The following EPHA3 variants were observed in gnomAD, a reference collection of about 807,000 sequenced individuals.
EPHA3 encodes EPH receptor A3, also known as ephrin type-A receptor 3.
Under a neutral mutation model 107.1 loss-of-function variants are expected in EPHA3, and 42 were observed. The ratio of observed to expected loss-of-function variants is 0.39; its 90% confidence interval spans 0.31 to 0.51. The LOEUF is 0.51. Among genes scored for constraint, EPHA3 ranks in the 20% least tolerant of loss-of-function variants. EPHA3 has a pLI of 0.78. For missense variants in EPHA3, 1,183 were observed against 1,211.2 expected, an observed-to-expected ratio of 0.98 and a Z score of 0.35; for synonymous variants, 461 against 424.8, an observed-to-expected ratio of 1.09 and a Z score of -1.05.
At position 89,450,382 on chromosome 3, in the gene EPHA3, A is replaced by C; in HGVS notation, c.2690+12A>C. ...AGTGCAGCCGCAAGGTGACACATTC[A>C]ATTTGTTATCTGGCATTCACTCTGA... On this transcript the variant is annotated intron_variant, in intron 15 of 16. Transcript: ENST00000336596. The C allele has an allele frequency of 6.2e-7, 1 of 1,601,586 alleles. No individual in the cohort carries two copies. The highest frequency in any genetic ancestry group is 8.5e-7 in the Non-Finnish European group (1 of 1,172,460).
At chr3:89,366,298 T>C (rs1385279436) in intron 5 of EPHA3, among the ~76,000 whole-genome samples, 1 of 150,310 alleles carries the variant, frequency 6.7e-6, no homozygotes, top group African/African-American at 2.4e-5. Context: ...TTGACCAGAA[T>C]TGAATAAAGG....
At chr3:89,230,824 TCACACACA>T (rs61566796) in intron 3 of EPHA3, among the ~76,000 whole-genome samples, 4 of 139,570 alleles carry the variant, frequency 2.9e-5, no homozygotes, top group African/African-American at 8.1e-5. Flanking sequence ...TCTCTCTCTC[TCACACACA>T]CACACACACA....
At chr3:89,188,596 C>G (rs1705627695) in intron 2 of EPHA3, among the ~76,000 whole-genome samples, 1 of 152,142 alleles carries the variant, frequency 6.6e-6, no homozygotes, top group South Asian at 2.1e-4. Flanking sequence ...ATTGACCGTC[C>G]TTATATTATA....
At chr3:89,272,818 T>C (rs1439446386) in intron 3 of EPHA3, among the ~76,000 whole-genome samples, 1 of 151,942 alleles carries the variant, frequency 6.6e-6, no homozygotes, top group Non-Finnish European at 1.5e-5. Context: ...TGAAAGAACT[T>C]ATTTTTTACA....
intron 3 of EPHA3, among the ~76,000 whole-genome samples, chr3:89,301,731 A>C (rs1706494995): frequency 6.6e-6 from 1 of 152,118 alleles, no homozygotes; most frequent in Non-Finnish European, 1.5e-5. Flanking sequence ...CTTTCACAAA[A>C]TTGCATGAAT....
chr3:89,245,826 G>A (rs1344388934), intron 3 of EPHA3, among the ~76,000 whole-genome samples: 6 of 152,202 alleles, frequency 3.9e-5, no homozygotes, highest in Non-Finnish European at 7.3e-5. Flanking sequence ...AGCCTTTAGG[G>A]AAGTGGGTCA....
At chr3:89,376,016 T>C (rs1708397676) in intron 5 of EPHA3, among the ~76,000 whole-genome samples, 1 of 151,944 alleles carries the variant, frequency 6.6e-6, no homozygotes, top group African/African-American at 2.4e-5. Context: ...TGGCATACAG[T>C]AAGCACAGAA....
rs528951236 is a variant in EPHA3, at chr3:89,440,034, A to G, written c.2346+8675A>G. Among the ~76,000 whole-genome samples the G allele has an allele frequency of 7.9e-5, 12 of 152,178 alleles. No individual in the cohort carries two copies. The East Asian group carries it at 2.1e-3, about 27-fold the overall frequency. On this transcript the variant is annotated intron_variant, in intron 13 of 16. Transcript: ENST00000336596. ...ATGAGGTTTTGCTACCTAAAGGATC[A>G]TTTATCTCTGATCTCTTGTGGCAAT...
intron 13 of EPHA3, among the ~76,000 whole-genome samples, chr3:89,437,634 T>C (rs1709699863): frequency 6.6e-6 from 1 of 152,202 alleles, no homozygotes; most frequent in South Asian, 2.1e-4. Flanking sequence ...CTGGTTAGTA[T>C]TTTTGTATAT....
In EPHA3 at chr3:89,447,171, C is replaced by T. The variant is rs556373689; in HGVS notation, c.2347-2054C>T. ...TGAGTGCTTTGGGAGTTTTAGTGCA[C>T]GTTGCACACTGTAGTTTATCTCCCT... On this transcript the variant is annotated intron_variant, in intron 13 of 16. Coordinates refer to ENST00000336596, the MANE Select transcript of EPHA3 (RefSeq NM_005233.6). 7.2e-5 allele frequency among the ~76,000 whole-genome samples: 11 copies of T among 152,230 alleles called. No individual in the cohort carries two copies. In the East Asian group the frequency reaches 7.7e-4, roughly 11 times the overall value.
At chr3:89,242,557 C>G (rs575695243) in intron 3 of EPHA3, among the ~76,000 whole-genome samples, 1 of 152,136 alleles carries the variant, frequency 6.6e-6, no homozygotes, top group Non-Finnish European at 1.5e-5. Context: ...CCTGCCTCAG[C>G]CTCCCCAGCA....
chr3:89,256,550 G>A (rs770885348), intron 3 of EPHA3, among the ~76,000 whole-genome samples: 2 of 151,798 alleles, frequency 1.3e-5, no homozygotes, highest in Non-Finnish European at 2.9e-5. Flanking sequence ...GCGACAGAGT[G>A]AGATTCTGTC....
intron 3 of EPHA3, among the ~76,000 whole-genome samples, chr3:89,333,979 T>C (rs1368755742): frequency 6.6e-6 from 1 of 152,198 alleles, no homozygotes; most frequent in Non-Finnish European, 1.5e-5. Flanking sequence ...TTCTTGTCAT[T>C]AAAAGAGAAA....
At chr3:89,372,388 T>A (rs2107473042) in intron 5 of EPHA3, among the ~76,000 whole-genome samples, 1 of 151,794 alleles carries the variant, frequency 6.6e-6, no homozygotes, top group Middle Eastern at 3.4e-3. Context: ...GGTTCAAGCC[T>A]TTATATTCCA....
intron 5 of EPHA3, among the ~76,000 whole-genome samples, chr3:89,349,375 CTTCT>C (rs1707750236): frequency 1.9e-5 from 2 of 104,860 alleles, no homozygotes; most frequent in Non-Finnish European, 3.8e-5. Context: ...ATGTAATGGC[CTTCT>C]TTGTCTCTTT....
intron 3 of EPHA3, among the ~76,000 whole-genome samples, chr3:89,284,140 G>T (rs1450876330): frequency 2.6e-5 from 4 of 152,032 alleles, no homozygotes; most frequent in South Asian, 4.1e-4. Flanking sequence ...GCCCACATTT[G>T]TTGTTATAGG....
intron 3 of EPHA3, among the ~76,000 whole-genome samples, chr3:89,227,487 G>A (rs977762035): frequency 1.3e-5 from 2 of 151,964 alleles, no homozygotes; most frequent in African/African-American, 4.8e-5. Flanking sequence ...TAAAGAACTT[G>A]TACGTTACGA....
intron 2 of EPHA3, among the ~76,000 whole-genome samples, chr3:89,200,926 C>G (rs1423075319): frequency 6.6e-6 from 1 of 152,170 alleles, no homozygotes; most frequent in Non-Finnish European, 1.5e-5. Flanking sequence ...TGGCTCCTGC[C>G]TTGTGCCCTG....
intron 5 of EPHA3, among the ~76,000 whole-genome samples, chr3:89,375,584 G>A (rs1708386950): frequency 1.4e-5 from 2 of 147,022 alleles, no homozygotes; most frequent in Non-Finnish European, 2.9e-5. Context: ...GTCATTGACT[G>A]AGAGCTGTTC....
Sources: gnomAD v4.1 joint callset for allele counts (sites outside exome capture counted in the v4.1 genomes callset) on GRCh38, gnomAD v4.1.1 for gene constraint, MANE v1.5 for transcripts, NCBI Gene and HGNC (gene_info 2026-07-23, HGNC 2026-07-21) for gene names.